The following VSTM5 variants were observed in gnomAD, a reference collection of about 807,000 sequenced individuals.
VSTM5 encodes V-set and transmembrane domain containing 5.
A neutral mutation model predicts 20.3 loss-of-function variants in VSTM5; 21 were observed. The ratio of observed to expected loss-of-function variants is 1.03; its 90% CI spans 0.73 to 1.49. VSTM5 has a LOEUF of 1.49. Among genes scored for constraint, VSTM5 ranks in the 40% most tolerant of loss-of-function variants. The pLI is 0.00. For missense variants in VSTM5, 219 were observed against 250.0 expected, an observed-to-expected ratio of 0.88 and a Z score of 0.84; for synonymous variants, 100 against 102.5, an observed-to-expected ratio of 0.98 and a Z score of 0.14.
intron 1 of VSTM5, among the ~76,000 whole-genome samples, chr11:93,839,451 C>T (rs1944352577): frequency 6.6e-6 from 1 of 152,222 alleles, no homozygotes; most frequent in Admixed American, 6.5e-5. Context: ...GTGTCTCCTG[C>T]TCCTTAGAAG....
intron 1 of VSTM5, among the ~76,000 whole-genome samples, chr11:93,828,634 A>T (rs1944257082): frequency 6.6e-6 from 1 of 152,194 alleles, no homozygotes; most frequent in African/African-American, 2.4e-5. Context: ...GGAGTTATAG[A>T]GTTAAGGAGT....
At chr11:93,839,507 A>C (rs955482910) in intron 1 of VSTM5, among the ~76,000 whole-genome samples, 1 of 152,218 alleles carries the variant, frequency 6.6e-6, no homozygotes, top group African/African-American at 2.4e-5. Context: ...TAAAGTGGGA[A>C]TAGCAACGCC....
chr11:93,824,393 G>A (rs915735307), intron 1 of VSTM5, among the ~76,000 whole-genome samples: 1 of 152,048 alleles, frequency 6.6e-6, no homozygotes, highest in African/African-American at 2.4e-5. Context: ...TTGTGGTTTT[G>A]ATTTGCACTT....
At chr11:93,828,018 T>A (rs1385237312) in intron 1 of VSTM5, among the ~76,000 whole-genome samples, 1 of 152,332 alleles carries the variant, frequency 6.6e-6, no homozygotes, top group East Asian at 1.9e-4. Context: ...TTATATAATT[T>A]TGAATTTTTC....
At chr11:93,845,774 C>T (rs1449504059) in intron 1 of VSTM5, among the ~76,000 whole-genome samples, 2 of 152,200 alleles carry the variant, frequency 1.3e-5, no homozygotes, top group Non-Finnish European at 2.9e-5. Flanking sequence ...CTTCCCTTGC[C>T]AGGTCCCCAG....
chr11:93,844,275 T>C (rs545801914), intron 1 of VSTM5, among the ~76,000 whole-genome samples: 12 of 152,100 alleles, frequency 7.9e-5, no homozygotes, highest in Non-Finnish European at 1.8e-4. Context: ...CTTTGAGGCA[T>C]TGGCTTTCAA....
chr11:93,830,530 T>C (rs2135733199), intron 1 of VSTM5, among the ~76,000 whole-genome samples: 1 of 152,334 alleles, frequency 6.6e-6, no homozygotes, highest in Admixed American at 6.5e-5. Flanking sequence ...CCTGACACTT[T>C]GTAGATGCTG....
At chr11:93,822,538 C>A (rs928258411) in intron 1 of VSTM5, among the ~76,000 whole-genome samples, 1 of 152,194 alleles carries the variant, frequency 6.6e-6, no homozygotes, top group African/African-American at 2.4e-5. Flanking sequence ...GGCTGGAGTG[C>A]TGAGTCACAA....
At chr11:93,841,069 G>C (rs1430079760) in intron 1 of VSTM5, among the ~76,000 whole-genome samples, 1 of 152,170 alleles carries the variant, frequency 6.6e-6, no homozygotes, top group Non-Finnish European at 1.5e-5. Flanking sequence ...AGGCCCAGAG[G>C]CTACTCTCTC....
At chr11:93,832,844 C>G (rs1944293618) in intron 1 of VSTM5, among the ~76,000 whole-genome samples, 1 of 152,188 alleles carries the variant, frequency 6.6e-6, no homozygotes, top group South Asian at 2.1e-4. Flanking sequence ...ACCCAAGTCT[C>G]TTTTCATGGT....
At position 93,818,885 on chromosome 11, in the gene VSTM5, A is replaced by C. The variant is rs546394084; in HGVS notation, c.*1684T>G. 2.0e-5 allele frequency: 3 copies of C among 152,294 alleles called. No homozygotes were observed. Among genetic ancestry groups the C allele is most frequent in the African/African-American group, 7.2e-5 (3 of 41,554 alleles). 9.4% of individuals were successfully genotyped at this position (152,294 alleles called of 1,614,324 possible). ...GGGATAGGACATAGTGTGTGAGTTT[A>C]CCCGTGTGTCTACAGGAGGCGCCTT... On this transcript the variant is annotated 3_prime_UTR_variant, in exon 4 of 4. Coordinates refer to ENST00000409977, the MANE Select transcript of VSTM5 (RefSeq NM_001144871.2).
chr11:93,840,269 A>T (rs374164447), intron 1 of VSTM5, among the ~76,000 whole-genome samples: 8 of 152,328 alleles, frequency 5.3e-5, no homozygotes, highest in African/African-American at 1.9e-4. Context: ...TTGATTGTGC[A>T]TTAGATCATC....
chr11:93,827,091 A>T (rs1222670643), intron 1 of VSTM5, among the ~76,000 whole-genome samples: 6 of 152,198 alleles, frequency 3.9e-5, no homozygotes, highest in Non-Finnish European at 1.5e-5. Context: ...AGGAATAAAT[A>T]ATCTATAACA....
intron 1 of VSTM5, among the ~76,000 whole-genome samples, chr11:93,841,434 C>G (rs1944369006): frequency 6.6e-6 from 1 of 152,204 alleles, no homozygotes; most frequent in Admixed American, 6.5e-5. Flanking sequence ...CTGGACAACT[C>G]ACTCAAGGCT....
intron 1 of VSTM5, among the ~76,000 whole-genome samples, chr11:93,822,965 C>G (rs938720878): frequency 6.6e-6 from 1 of 152,176 alleles, no homozygotes; most frequent in African/African-American, 2.4e-5. Flanking sequence ...TTCTGTTAAC[C>G]ATGGTGGTCA....
chr11:93,843,466 A>G (rs1478142896), intron 1 of VSTM5, among the ~76,000 whole-genome samples: 2 of 147,130 alleles, frequency 1.4e-5, no homozygotes, highest in Non-Finnish European at 2.9e-5. Flanking sequence ...ACCTGAATGA[A>G]TGAATGAATG....
intron 1 of VSTM5, among the ~76,000 whole-genome samples, chr11:93,846,732 A>G (rs573974014): frequency 1.0e-3 from 158 of 152,040 alleles, no homozygotes; most frequent in African/African-American, 3.4e-3. Context: ...AATAAACAGT[A>G]CAGAATGAAT....
intron 1 of VSTM5, among the ~76,000 whole-genome samples, chr11:93,840,741 G>C (rs1944363894): frequency 3.3e-5 from 5 of 152,122 alleles, no homozygotes; most frequent in Admixed American, 2.6e-4. Context: ...GGTGATCACG[G>C]AACTAGATTG....
Position 93,820,553 on chromosome 11 carries a change from T to C in VSTM5, c.*16A>G. ...GTTTCCTCTTGAGGTAGGAATGCAG[T>C]CAGGCCCAGCCTTGGCTAACACTCA... On this transcript the variant is annotated 3_prime_UTR_variant, in exon 4 of 4. Coordinates refer to ENST00000409977, the MANE Select transcript of VSTM5 (RefSeq NM_001144871.2). 1 of 1,551,872 alleles carries C rather than the reference T, an allele frequency of 6.4e-7. No homozygotes were observed. Among genetic ancestry groups the C allele is most frequent in the South Asian group, 1.2e-5 (1 of 84,046 alleles).
Sources: gnomAD v4.1 joint callset for allele counts (sites outside exome capture counted in the v4.1 genomes callset) on GRCh38, gnomAD v4.1.1 for gene constraint, MANE v1.5 for transcripts, NCBI Gene and HGNC (gene_info 2026-07-23, HGNC 2026-07-21) for gene names.